SCML2: variants seen among roughly 807,000 people sequenced by gnomAD.
The protein encoded by SCML2 is Scm polycomb group protein like 2.
Under a neutral mutation model 48.4 loss-of-function variants are expected in SCML2, and 6 were observed. The observed-to-expected ratio is 0.12, with a 90% confidence interval of 0.07 to 0.24. The LOEUF (loss-of-function observed/expected upper bound fraction) is 0.24, where lower values mean the gene tolerates loss of function less well. SCML2 is among the 10% of genes least tolerant of loss of function. The pLI is 1.00. For missense variants in SCML2, 377 were observed against 528.2 expected, an observed-to-expected ratio of 0.71 and a Z score of 2.81; for synonymous variants, 181 against 189.5, an observed-to-expected ratio of 0.95 and a Z score of 0.37.
In SCML2 at chrX:18,260,277, G is replaced by A. The variant is rs967241100; in HGVS notation, c.963C>T (p.Pro321=). 4 of 1,191,745 alleles carry A rather than the reference G, an allele frequency of 3.4e-6. No individual in the cohort carries two copies. The highest frequency in any genetic ancestry group is 2.3e-4 in the Middle Eastern group (1 of 4,282). The change falls in exon 9 of 15, where the codon CCC becomes CCT. Residue 321 remains proline (P), a synonymous_variant. Transcript: ENST00000251900. The part of the protein sequence containing the change: ...PNSGKKEKPL[P]VICSTSAASL... ...AAGCTGCAGATGTAGAACATATCAC[G>A]GGCAAAGGTTTTTCCTGTTAAAAAC...
At position 18,275,537 on chromosome X, in the gene SCML2, T is replaced by A. The variant is rs1407646274; in HGVS notation, c.731-9735A>T. ...ATAACATCTTATCTTTATTTACATATATCTATCTGTCCCACCACACTGTGA... is the reference window on the plus strand; with the variant it reads ...ATAACATCTTATCTTTATTTACATAAATCTATCTGTCCCACCACACTGTGA... On this transcript the variant is annotated intron_variant, in intron 7 of 14. Transcript: ENST00000251900. Among the ~76,000 whole-genome samples the A allele has an allele frequency of 3.6e-5, 4 of 112,621 alleles. No individual in the cohort carries two copies. The East Asian group carries it at 1.1e-3, about 31-fold the overall frequency.
rs768393398 is a variant in SCML2 at position 18,295,724 on chromosome X, G to A, written c.730+9248C>T. On this transcript the variant is annotated intron_variant, in intron 7 of 14. Coordinates refer to ENST00000251900, the MANE Select transcript of SCML2 (RefSeq NM_006089.3). ...TGACCATGGGCCCAAGAACAGGCACGCTCGGCCCTCTACTGCCATCGCTGG... is the reference window on the plus strand; with the variant it reads ...TGACCATGGGCCCAAGAACAGGCACACTCGGCCCTCTACTGCCATCGCTGG... 1.2e-4 allele frequency among the ~76,000 whole-genome samples: 13 copies of A among 110,003 alleles called. No homozygotes were observed. The East Asian group carries it at 2.3e-3, about 20-fold the overall frequency.
chrX:18,349,703 A>T (rs1190830932), intron 1 of SCML2, among the ~76,000 whole-genome samples: 2 of 111,706 alleles, frequency 1.8e-5, no homozygotes, highest in African/African-American at 6.5e-5. Flanking sequence ...AGGCTGAGGC[A>T]AGAGAATCAC....
chrX:18,322,510 G>C (rs1929351943), intron 5 of SCML2, among the ~76,000 whole-genome samples: 2 of 111,936 alleles, frequency 1.8e-5, no homozygotes, highest in Non-Finnish European at 1.9e-5. Flanking sequence ...ACAAATAAAC[G>C]ACAAAAGACG....
chrX:18,341,245 C>T, intron 1 of SCML2: 1 of 683,879 alleles, frequency 1.5e-6, no homozygotes, highest in South Asian at 2.6e-5. Flanking sequence ...TAGGGGAAAT[C>T]GCCAGCTTCA....
intron 7 of SCML2, among the ~76,000 whole-genome samples, chrX:18,295,281 G>T (rs1252457581): frequency 1.8e-5 from 2 of 111,249 alleles, no homozygotes; most frequent in Admixed American, 1.9e-4. Flanking sequence ...GGGACCTGAG[G>T]ACAGGCATGG....
chrX:18,254,332 T>C (rs1419414529), intron 11 of SCML2, among the ~76,000 whole-genome samples: 1 of 112,052 alleles, frequency 8.9e-6, no homozygotes, highest in Non-Finnish European at 1.9e-5. Flanking sequence ...ATAGCATTTA[T>C]ATGCAACTTC....
rs150934178 is a variant in SCML2, at chrX:18,324,059, C to G, written c.197G>C (p.Gly66Ala). 1.1e-5 allele frequency: 13 copies of G among 1,205,921 alleles called. No homozygotes were observed. The highest frequency in any genetic ancestry group is 1.5e-5 in the Non-Finnish European group (13 of 892,089). ...QIPPVNDFKV[G>A]MKLEARDPRN... The stretch of plus-strand genomic sequence containing the variant: ...AGGGTCACGGGCTTCCAATTTCATA[C>G]CAACTTTGAAATCATTCACAGGTGG... Residue 66 changes from glycine (G) to alanine (A), a missense_variant, in exon 5 of 15, where the codon GGT becomes GCT. Gly to Ala is a moderately conservative substitution (Grantham distance 60). Transcript: ENST00000251900.
chrX:18,285,195 T>C (rs1307716048), intron 7 of SCML2, among the ~76,000 whole-genome samples: 1 of 110,882 alleles, frequency 9.0e-6, no homozygotes, highest in Non-Finnish European at 1.9e-5. Flanking sequence ...AGCAATCCCA[T>C]TACTGAGTAT....
At chrX:18,295,315 G>A (rs1285552136) in intron 7 of SCML2, among the ~76,000 whole-genome samples, 1 of 110,629 alleles carries the variant, frequency 9.0e-6, no homozygotes, top group Non-Finnish European at 1.9e-5. Context: ...CTCTCTCATT[G>A]CCCAAGTATA....
At chrX:18,317,817 G>A (rs1291916337) in intron 6 of SCML2, among the ~76,000 whole-genome samples, 1 of 90,293 alleles carries the variant, frequency 1.1e-5, no homozygotes, top group Non-Finnish European at 2.1e-5. Context: ...CTGGGCGACA[G>A]AGCGAGACTC....
chrX:18,320,233 A>G, intron 6 of SCML2, 99 bp downstream of exon 6: 1 of 490,960 alleles, frequency 2.0e-6, no homozygotes, highest in Middle Eastern at 6.2e-4. Context: ...CAGTAATTTT[A>G]AAAGTATGTT....
intron 6 of SCML2, among the ~76,000 whole-genome samples, chrX:18,307,988 G>A (rs1156627856): frequency 9.1e-6 from 1 of 109,832 alleles, no homozygotes; most frequent in Non-Finnish European, 1.9e-5. Flanking sequence ...CAGCTACTCA[G>A]TAGGCTGAGG....
intron 9 of SCML2, among the ~76,000 whole-genome samples, chrX:18,259,051 G>T (rs183642764): frequency 6.2e-4 from 69 of 111,245 alleles, no homozygotes; most frequent in African/African-American, 2.2e-3. Context: ...ATCAACTCAG[G>T]TCAAGAGTTT....
intron 11 of SCML2, among the ~76,000 whole-genome samples, chrX:18,256,273 A>G (rs1291574265): frequency 3.6e-5 from 4 of 111,125 alleles, no homozygotes; most frequent in Non-Finnish European, 7.5e-5. Context: ...CCAACATGGC[A>G]AAACCCTGTC....
intron 7 of SCML2, among the ~76,000 whole-genome samples, chrX:18,279,135 G>A (rs978307369): frequency 8.9e-6 from 1 of 112,690 alleles, no homozygotes; most frequent in Non-Finnish European, 1.9e-5. Flanking sequence ...CTCTTCCTCT[G>A]TACCCCACTA....
intron 1 of SCML2, among the ~76,000 whole-genome samples, chrX:18,337,375 TTAAATA>T (rs1275608755): frequency 1.1e-5 from 1 of 94,777 alleles, no homozygotes; most frequent in Non-Finnish European, 2.1e-5. Context: ...AAAAAAAACT[TTAAATA>T]TAAAGACACA....
intron 6 of SCML2, among the ~76,000 whole-genome samples, chrX:18,305,492 T>C (rs1405603575): frequency 6.3e-5 from 7 of 111,887 alleles, no homozygotes; most frequent in Non-Finnish European, 1.1e-4. Context: ...ATCTACTATG[T>C]ACCAGGAATT....
intron 1 of SCML2, among the ~76,000 whole-genome samples, chrX:18,339,712 A>G (rs901955179): frequency 1.8e-5 from 2 of 111,684 alleles, no homozygotes; most frequent in African/African-American, 6.5e-5. Context: ...GTGAGACCCC[A>G]GCTCTAAAAA....
Sources: gnomAD v4.1 joint callset for allele counts (sites outside exome capture counted in the v4.1 genomes callset) on GRCh38, gnomAD v4.1.1 for gene constraint, MANE v1.5 for transcripts, NCBI Gene and HGNC (gene_info 2026-07-23, HGNC 2026-07-21) for gene names.